The following PCSK5 variants were observed in gnomAD, a reference collection of about 807,000 sequenced individuals.
PCSK5 encodes the protein prohormone convertase 5.
In PCSK5, 129 loss-of-function variants were observed where a neutral mutation model predicts 233.2. That is an observed-to-expected ratio of 0.55 (90% CI 0.48 to 0.64). The LOEUF (loss-of-function observed/expected upper bound fraction) is 0.64, where lower values mean the gene tolerates loss of function less well. Among genes scored for constraint, PCSK5 ranks in the 30% least tolerant of loss-of-function variants. The pLI, the probability that PCSK5 is intolerant of heterozygous loss-of-function variation, is 0.00. For missense variants in PCSK5, 2,076 were observed against 2,430.1 expected (o/e 0.85, Z 3.06); for synonymous variants, 825 against 879.2 (o/e 0.94, Z 1.09).
chr9:75,990,903 G>A (rs1194090659), intron 3 of PCSK5, among the ~76,000 whole-genome samples: 1 of 152,172 alleles, frequency 6.6e-6, no homozygotes, highest in Non-Finnish European at 1.5e-5. Context: ...GAACTAACGT[G>A]TAGTATGTGG....
At chr9:75,979,943 T>C (rs1317344404) in intron 2 of PCSK5, among the ~76,000 whole-genome samples, 2 of 152,202 alleles carry the variant, frequency 1.3e-5, no homozygotes, top group Non-Finnish European at 2.9e-5. Flanking sequence ...GCCTCCCACA[T>C]AGGAGCTACT....
At chr9:76,091,596 C>T (rs1811064831) in intron 7 of PCSK5, among the ~76,000 whole-genome samples, 1 of 152,128 alleles carries the variant, frequency 6.6e-6, no homozygotes, top group African/African-American at 2.4e-5. Context: ...GAGCTCTGTG[C>T]ATGCAGACAC....
chr9:76,144,618 T>C (rs551127433), intron 10 of PCSK5, among the ~76,000 whole-genome samples: 1 of 152,310 alleles, frequency 6.6e-6, no homozygotes, highest in East Asian at 1.9e-4. Flanking sequence ...GGTACCTTTC[T>C]CTAATCGACA....
chr9:76,233,568 C>T lies in PCSK5; in HGVS notation c.2838C>T (p.Gly946=), dbSNP rs747282110. 1.9e-6 allele frequency: 3 copies of T among 1,611,424 alleles called. No individual in the cohort carries two copies. The highest frequency in any genetic ancestry group is 1.7e-4 in the Middle Eastern group (1 of 6,060). Residue 946 remains glycine (G), a synonymous_variant, in exon 22 of 38, where the codon GGC becomes GGT. Transcript: ENST00000674117. ...HHTCQRCQGS[G]PTHCTSCGAD... Reference sequence around the variant, plus strand: ...CCTGCCAGAGATGCCAAGGAAGTGGCCCTACCCACTGCACCTCCTGTGGAG... The same window carrying T: ...CCTGCCAGAGATGCCAAGGAAGTGGTCCTACCCACTGCACCTCCTGTGGAG...
rs971888325 is a variant in PCSK5 at position 75,891,307 on chromosome 9, A to C, written c.126A>C (p.Lys42Asn). 9 of 1,558,578 alleles carry C rather than the reference A, an allele frequency of 5.8e-6. No individual in the cohort carries two copies. Among genetic ancestry groups the C allele is most frequent in the Non-Finnish European group, 7.8e-6 (9 of 1,157,044 alleles). The change falls in exon 1 of 38, where the codon AAA becomes AAC. Residue 42 changes from lysine (K) to asparagine (N), a missense_variant. Around this residue, in one of 6 missense-constraint regions of PCSK5, gnomAD observed 190 missense variants for 216.3 expected, o/e 0.88. Coordinates refer to ENST00000674117, the MANE Select transcript of PCSK5 (RefSeq NM_001372043.1). ...TCTACACCAACCACTGGGCAGTCAAAATCGCCGGGGGCTTCCCGGAGGCCA... is the reference window on the plus strand; with the variant it reads ...TCTACACCAACCACTGGGCAGTCAACATCGCCGGGGGCTTCCCGGAGGCCA... ...TRVYTNHWAV[K>N]IAGGFPEANR...
Position 76,189,652 on chromosome 9 carries a change from G to T in PCSK5, c.2532G>T (p.Thr844=). The T allele has an allele frequency of 6.2e-7, 1 of 1,611,110 alleles. No homozygotes were observed. The highest frequency in any genetic ancestry group is 1.1e-5 in the South Asian group (1 of 90,998). The change falls in exon 20 of 38, where the codon ACG becomes ACT. Residue 844 remains threonine, a synonymous_variant. Transcript: ENST00000674117. ...ATAGATGTGATATCAGTTGTTTGACGTGCAATGGCCCAGGATTCAAGAACT... is the reference window on the plus strand; with the variant it reads ...ATAGATGTGATATCAGTTGTTTGACTTGCAATGGCCCAGGATTCAAGAACT... The part of the protein sequence containing the change: ...SCKKCDISCL[T]CNGPGFKNCT...
intron 24 of PCSK5, among the ~76,000 whole-genome samples, chr9:76,248,019 C>T (rs1329664156): frequency 2.6e-5 from 4 of 152,096 alleles, no homozygotes; most frequent in Non-Finnish European, 5.9e-5. Context: ...CTCCTGACCT[C>T]GTGGTCCGCC....
At chr9:76,160,701 G>A (rs1822816271) in intron 12 of PCSK5, among the ~76,000 whole-genome samples, 1 of 152,054 alleles carries the variant, frequency 6.6e-6, no homozygotes, top group African/African-American at 2.4e-5. Flanking sequence ...TCTACTATAG[G>A]ACAGTGAGAA....
At chr9:76,159,197 G>T (rs1036893255) in intron 12 of PCSK5, 26 bp downstream of exon 12, 3 of 1,605,374 alleles carry the variant, frequency 1.9e-6, no homozygotes, top group African/African-American at 2.7e-5. Context: ...CTGCCCACCA[G>T]TGTAGTAGTC....
At chr9:75,900,729 A>G (rs1825993971) in intron 1 of PCSK5, among the ~76,000 whole-genome samples, 1 of 148,930 alleles carries the variant, frequency 6.7e-6, no homozygotes, top group African/African-American at 2.5e-5. Flanking sequence ...ACCCTGCAGT[A>G]AATCGGTTCA....
At chr9:75,964,869 CT>C (rs1825507414) in intron 2 of PCSK5, among the ~76,000 whole-genome samples, 1 of 151,278 alleles carries the variant, frequency 6.6e-6, no homozygotes, top group African/African-American at 2.4e-5. Context: ...TAAATAGCAT[CT>C]TTTCTCTTCA....
At chr9:76,349,767 A>T (rs1830071477) in intron 35 of PCSK5, among the ~76,000 whole-genome samples, 1 of 152,262 alleles carries the variant, frequency 6.6e-6, no homozygotes. Flanking sequence ...AAAAATGTCC[A>T]GGACTTCCTA....
intron 2 of PCSK5, among the ~76,000 whole-genome samples, chr9:75,939,482 T>G (rs1223209185): frequency 6.6e-6 from 1 of 152,170 alleles, no homozygotes; most frequent in African/African-American, 2.4e-5. Context: ...GCCACAAACA[T>G]TTGGGTCAAG....
At chr9:76,040,667 C>T (rs1479110850) in intron 5 of PCSK5, among the ~76,000 whole-genome samples, 1 of 152,078 alleles carries the variant, frequency 6.6e-6, no homozygotes, top group East Asian at 1.9e-4. Context: ...GCCTCCAAAC[C>T]CATGTTCCTT....
At chr9:76,252,626 G>C (rs575301891) in intron 24 of PCSK5, among the ~76,000 whole-genome samples, 1 of 152,158 alleles carries the variant, frequency 6.6e-6, no homozygotes, top group Non-Finnish European at 1.5e-5. Context: ...CTTCAGTTTC[G>C]TTTACCTCTA....
At chr9:76,040,385 G>GTCTCTCTGTCTCTCTGTCTCTC (rs1563988638) in intron 5 of PCSK5, among the ~76,000 whole-genome samples, 105 of 80,660 alleles carry the variant, frequency 1.3e-3, no homozygotes, top group African/African-American at 3.9e-3. Flanking sequence ...CTCTCTCTCT[G>GTCTCTCTGTCTCTCTGTCTCTC]TCTCTCTCTC....
intron 10 of PCSK5, among the ~76,000 whole-genome samples, chr9:76,149,532 G>C (rs1417521092): frequency 6.6e-6 from 1 of 152,162 alleles, no homozygotes; most frequent in East Asian, 1.9e-4. Flanking sequence ...AATTTTGGCT[G>C]CCGGCTAACC....
intron 24 of PCSK5, among the ~76,000 whole-genome samples, chr9:76,282,510 G>A (rs1474789307): frequency 6.8e-6 from 1 of 146,722 alleles, no homozygotes; most frequent in Non-Finnish European, 1.5e-5. Flanking sequence ...TAGAAATAGA[G>A]TCTCCCTATG....
intron 5 of PCSK5, among the ~76,000 whole-genome samples, chr9:76,032,068 T>C (rs1828674216): frequency 6.6e-6 from 1 of 152,164 alleles, no homozygotes; most frequent in South Asian, 2.1e-4. Flanking sequence ...TTTAATTCCA[T>C]TTTCCCATCT....
Sources: allele counts gnomAD v4.1 joint callset (sites outside exome capture counted in the v4.1 genomes callset), GRCh38; gene constraint gnomAD v4.1.1; regional missense constraint gnomAD v4.1.1; transcripts MANE v1.5; gene names NCBI Gene and HGNC (gene_info 2026-07-23, HGNC 2026-07-21).